Variants in CAP2 observed in about 807,000 individuals in gnomAD.
The protein encoded by CAP2 is cyclase associated actin cytoskeleton regulatory protein 2, also known as adenylyl cyclase-associated protein 2.
In CAP2, 24 loss-of-function variants were observed where a neutral mutation model predicts 57.7. That is an observed-to-expected ratio of 0.42 (90% CI 0.30 to 0.58). CAP2 has a LOEUF of 0.58. CAP2 is among the 20% of genes least tolerant of loss of function. The pLI, the probability that CAP2 is intolerant of heterozygous loss-of-function variation, is 0.22. For synonymous variants in CAP2, 194 were observed against 207.2 expected, an observed-to-expected ratio of 0.94 and a Z score of 0.55; for missense variants, 501 against 590.3, an observed-to-expected ratio of 0.85 and a Z score of 1.57.
intron 4 of CAP2, among the ~76,000 whole-genome samples, chr6:17,497,862 T>C (rs1256441542): frequency 6.6e-6 from 1 of 152,232 alleles, no homozygotes; most frequent in African/African-American, 2.4e-5. Context: ...AGGGAACAGT[T>C]AATGTGAAGG....
chr6:17,509,531 C>T (rs998959752), intron 6 of CAP2, among the ~76,000 whole-genome samples: 2 of 151,914 alleles, frequency 1.3e-5, no homozygotes, highest in Non-Finnish European at 2.9e-5. Flanking sequence ...TACAAAAAGC[C>T]GAGCGTGGTG....
intron 6 of CAP2, among the ~76,000 whole-genome samples, chr6:17,512,570 A>G (rs1762183922): frequency 1.3e-5 from 2 of 152,176 alleles, no homozygotes; most frequent in South Asian, 4.1e-4. Context: ...ACTGCTTCCT[A>G]TGTGCTAGGC....
chr6:17,399,869 T>C (rs1220982840), intron 1 of CAP2, among the ~76,000 whole-genome samples: 1 of 152,100 alleles, frequency 6.6e-6, no homozygotes, highest in East Asian at 1.9e-4. Context: ...GTAACCTAAA[T>C]GGCAGTTCTG....
intron 4 of CAP2, among the ~76,000 whole-genome samples, chr6:17,465,863 TC>T (rs1320624424): frequency 6.6e-6 from 1 of 151,972 alleles, no homozygotes; most frequent in African/African-American, 2.4e-5. Flanking sequence ...AAGGCCTCCC[TC>T]CCCCATATGG....
chr6:17,493,870 C>T (rs1761603183), intron 4 of CAP2, among the ~76,000 whole-genome samples: 1 of 151,722 alleles, frequency 6.6e-6, no homozygotes, highest in Non-Finnish European at 1.5e-5. Flanking sequence ...GCAGCCGAAA[C>T]AGTACGTCTA....
At chr6:17,492,388 A>G (rs549863995) in intron 4 of CAP2, among the ~76,000 whole-genome samples, 39 of 152,336 alleles carry the variant, frequency 2.6e-4, no homozygotes, top group African/African-American at 9.1e-4. Context: ...AAGATTGGTG[A>G]GGCACCAGAG....
At chr6:17,533,148 G>A (rs1318458594) in intron 7 of CAP2, among the ~76,000 whole-genome samples, 1 of 148,484 alleles carries the variant, frequency 6.7e-6, no homozygotes, top group South Asian at 2.1e-4. Context: ...GTAATAAAGC[G>A]ATTAGTATTT....
chr6:17,522,981 G>A (rs748464073), intron 7 of CAP2, among the ~76,000 whole-genome samples: 25 of 152,110 alleles, frequency 1.6e-4, no homozygotes, highest in Non-Finnish European at 3.1e-4. Context: ...TGATCCACTC[G>A]CCTTGGCCTC....
Position 17,551,620 on chromosome 6 carries a change from A to T in CAP2, c.1350+16A>T, listed in dbSNP as rs1163988407. ...TGGTGATTATGTAAGTACCTTTCAA[A>T]AGGCTGTCAAGAATTTTTCTGGAGC... On this transcript the variant is annotated intron_variant, in intron 12 of 12. Transcript: ENST00000229922. 4 of 1,552,688 alleles carry T rather than the reference A, an allele frequency of 2.6e-6. No individual in the cohort carries two copies. The highest frequency in any genetic ancestry group is 3.5e-6 in the Non-Finnish European group (4 of 1,147,920).
chr6:17,518,787 A>G (rs1020520439), intron 7 of CAP2, among the ~76,000 whole-genome samples: 13 of 152,018 alleles, frequency 8.6e-5, no homozygotes, highest in Non-Finnish European at 5.9e-5. Context: ...ACAGGCCTGC[A>G]CCACCACACC....
intron 1 of CAP2, among the ~76,000 whole-genome samples, chr6:17,408,786 G>T (rs972959478): frequency 6.8e-6 from 1 of 147,548 alleles, no homozygotes; most frequent in Non-Finnish European, 1.5e-5. Flanking sequence ...TCAGCCTCCC[G>T]AGTAGCTCGA....
At chr6:17,468,395 AC>A (rs531715219) in intron 4 of CAP2, among the ~76,000 whole-genome samples, 1 of 152,312 alleles carries the variant, frequency 6.6e-6, no homozygotes, top group South Asian at 2.1e-4. Context: ...ACCCAGTTTC[AC>A]AAAACAGTAT....
chr6:17,486,926 ACT>A (rs1224388499), intron 4 of CAP2, among the ~76,000 whole-genome samples: 1 of 152,042 alleles, frequency 6.6e-6, no homozygotes, highest in East Asian at 1.9e-4. Flanking sequence ...ACTGCAGAGG[ACT>A]CAGCTGTGTC....
rs527446009 is a variant in CAP2, at chr6:17,483,420, G to A, written c.300+20347G>A. Reference sequence around the variant, plus strand: ...ACTTCCTGAGACTTCACGTGCACACGTAGAACTGACGTAAAAATGAAGGAG... The same window carrying A: ...ACTTCCTGAGACTTCACGTGCACACATAGAACTGACGTAAAAATGAAGGAG... On this transcript the variant is annotated intron_variant, in intron 4 of 12. Coordinates refer to ENST00000229922, the MANE Select transcript of CAP2 (RefSeq NM_006366.3). Among the ~76,000 whole-genome samples the A allele has an allele frequency of 5.9e-5, 9 of 152,182 alleles. No individual in the cohort carries two copies. In the South Asian group the frequency reaches 1.9e-3, roughly 32 times the overall value.
At chr6:17,554,721 A>G (rs995132014) in intron 12 of CAP2, among the ~76,000 whole-genome samples, 1 of 152,264 alleles carries the variant, frequency 6.6e-6, no homozygotes, top group African/African-American at 2.4e-5. Flanking sequence ...CACCGCATGG[A>G]CTGGAAGTCC....
chr6:17,474,185 C>CTTTTTTTTT (rs544909381), intron 4 of CAP2, among the ~76,000 whole-genome samples: 69 of 93,214 alleles, frequency 7.4e-4, no homozygotes, highest in Non-Finnish European at 8.9e-4. Context: ...AAAAAACAGT[C>CTTTTTTTTT]TTTTTTTTTT....
At chr6:17,490,520 G>C (rs1561802359) in intron 4 of CAP2, among the ~76,000 whole-genome samples, 1 of 152,250 alleles carries the variant, frequency 6.6e-6, no homozygotes, top group African/African-American at 2.4e-5. Context: ...GGCTAGAAAA[G>C]AGGATTATAA....
intron 3 of CAP2, among the ~76,000 whole-genome samples, chr6:17,436,086 T>TTTCTTTCCTTCCTTCCTTCCTTCCTTCC (rs778187025): frequency 6.0e-5 from 8 of 133,904 alleles, no homozygotes; most frequent in East Asian, 2.0e-4. Flanking sequence ...TCTTTCTTTC[T>TTTCTTTCCTTCCTTCCTTCCTTCCTTCC]TTCCTTCCTT....
chr6:17,403,384 T>A (rs1266185431), intron 1 of CAP2, among the ~76,000 whole-genome samples: 4 of 152,256 alleles, frequency 2.6e-5, no homozygotes, highest in Non-Finnish European at 4.4e-5. Flanking sequence ...ATTACTGGCG[T>A]GAGCCACAGC....
Sources: allele counts gnomAD v4.1 joint callset (sites outside exome capture counted in the v4.1 genomes callset), GRCh38; gene constraint gnomAD v4.1.1; transcripts MANE v1.5; gene names NCBI Gene and HGNC (gene_info 2026-07-23, HGNC 2026-07-21).